Variants in MVK observed in about 807,000 individuals in gnomAD.
MVK encodes LH receptor mRNA-binding protein.
In MVK, 34 loss-of-function variants were observed where a neutral mutation model predicts 43.2. The observed-to-expected ratio is 0.79, with a 90% CI of 0.60 to 1.05. MVK has a LOEUF of 1.05. MVK is among the 50% of genes least tolerant of loss of function. The pLI is 0.00. For synonymous variants in MVK, 190 were observed against 219.8 expected (o/e 0.86, Z 1.20); for missense variants, 395 against 504.0 (o/e 0.78, Z 2.07).
intron 3 of MVK, 85 bp downstream of exon 3, chr12:109,576,230 G>T (rs1029485217): frequency 6.4e-7 from 1 of 1,552,768 alleles, no homozygotes; most frequent in Non-Finnish European, 8.8e-7. Context: ...CCCCAAGGGA[G>T]CCAGGGGCCA....
upstream of MVK, chr12:109,573,639 T>C: frequency 1.1e-6 from 1 of 873,650 alleles, no homozygotes; most frequent in East Asian, 2.7e-5. Context: ...TGTTTCCCAT[T>C]GGTTTAACGG....
At position 109,579,864 on chromosome 12, in the gene MVK, T is replaced by C. The variant is rs1269968212; in HGVS notation, c.289T>C (p.Leu97=). The C allele has an allele frequency of 3.7e-6, 6 of 1,614,122 alleles. No individual in the cohort carries two copies. The highest frequency in any genetic ancestry group is 5.1e-6 in the Non-Finnish European group (6 of 1,180,058). Reference sequence around the variant, plus strand: ...GGAGAAGCTAAAGGAGGTTGCAGGCTTGCCTGACGACTGTGCTGTCACCGA... The same window carrying C: ...GGAGAAGCTAAAGGAGGTTGCAGGCCTGCCTGACGACTGTGCTGTCACCGA... ...QVEKLKEVAG[L]PDDCAVTERL... The change falls in exon 4 of 11, where the codon TTG becomes CTG. Residue 97 remains leucine (L), a synonymous_variant. Coordinates refer to ENST00000228510, the MANE Select transcript of MVK (RefSeq NM_000431.4).
intron 2 of MVK, among the ~76,000 whole-genome samples, chr12:109,575,461 C>T (rs865835385): frequency 2.0e-5 from 3 of 151,852 alleles, no homozygotes; most frequent in African/African-American, 4.8e-5. Flanking sequence ...GCTCTGTCAC[C>T]GGAGTGCAAT....
In MVK at chr12:109,577,698, G is replaced by GT. The variant is rs966891442; in HGVS notation, c.226+1561dup. 2.2e-4 allele frequency among the ~76,000 whole-genome samples: 34 copies of GT among 152,068 alleles called. 1 individual carries two copies. The highest frequency in any genetic ancestry group is 1.0e-3 in the South Asian group (5 of 4,808). On this transcript the variant is annotated intron_variant, in intron 3 of 10. Coordinates refer to ENST00000228510, the MANE Select transcript of MVK (RefSeq NM_000431.4). ...GGAGTTTTTTGTGATGGTGGTGGTG[G>GT]TTTTTTTTAACCAATACAGATGGAT...
At position 109,579,024 on chromosome 12, in the gene MVK, C is replaced by T. The variant is rs138739990; in HGVS notation, c.227-778C>T. On this transcript the variant is annotated intron_variant, in intron 3 of 10. Coordinates refer to ENST00000228510, the MANE Select transcript of MVK (RefSeq NM_000431.4). ...AAATATTTTGGGGGTTAACTTAACA[C>T]TCTTTTGATTTTGGTTTTATACAAT... 4.3e-4 allele frequency: 122 copies of T among 284,786 alleles called. 1 individual carries two copies. In the East Asian group the frequency reaches 9.6e-3, roughly 22 times the overall value. The allele number at this position is 284,786 out of a possible 1,614,324, so 17.6% of individuals were successfully genotyped here. A position where few individuals can be genotyped will look rare whatever the true frequency, so the allele number is the denominator to read the frequency against.
Position 109,597,085 on chromosome 12 carries a change from C to G in MVK, c.*508C>G, listed in dbSNP as rs1885954676. ...GAGCACCTGCTGTCTGGGTGGCTCA[C>G]TCAGCACTTGGTGTGGCCTTCCCTT... On this transcript the variant is annotated 3_prime_UTR_variant, in exon 11 of 11. Transcript: ENST00000228510. The G allele has an allele frequency of 4.5e-6, 1 of 224,714 alleles. No homozygotes were observed. Among genetic ancestry groups the G allele is most frequent in the South Asian group, 6.2e-5 (1 of 16,188 alleles). 13.9% of individuals were successfully genotyped at this position (224,714 alleles called of 1,614,324 possible). A position where few individuals can be genotyped will look rare whatever the true frequency, so the allele number is the denominator to read the frequency against.
In MVK at chr12:109,573,894, G is replaced by A. The variant is rs185187100; in HGVS notation, c.-15+21G>A. 9.5e-4 allele frequency: 181 copies of A among 190,698 alleles called. 2 individuals are homozygous for A. The East Asian group carries it at 0.03, about 31-fold the overall frequency. 11.8% of individuals were successfully genotyped at this position (190,698 alleles called of 1,614,324 possible). A position where few individuals can be genotyped will look rare whatever the true frequency, so the allele number is the denominator to read the frequency against. ...GGCAGGTGAGAGGCCGGGGTCGGGC[G>A]GCCGGGCGGCGCGAGGTCCTAGACC... On this transcript the variant is annotated intron_variant, in intron 1 of 10. Coordinates refer to ENST00000228510, the MANE Select transcript of MVK (RefSeq NM_000431.4).
chr12:109,584,316 GAA>G (rs1231677508), intron 5 of MVK, among the ~76,000 whole-genome samples: 1 of 152,188 alleles, frequency 6.6e-6, no homozygotes, highest in African/African-American at 2.4e-5. Context: ...GGCAGATGAA[GAA>G]AGAGACTCAG....
At position 109,590,680 on chromosome 12, in the gene MVK, C is replaced by G. The variant is rs1885626425; in HGVS notation, c.678-91C>G. The G allele has an allele frequency of 2.6e-6, 3 of 1,142,648 alleles. No homozygotes were observed. In the East Asian group the frequency reaches 7.0e-5, roughly 27 times the overall value. 70.8% of individuals were successfully genotyped at this position (1,142,648 alleles called of 1,614,324 possible). ...TTGTGCCTCCCTTCTTCCTCCGTAT[C>G]AGGGTGGGCGGCTTCCCGGACTGCT... is the stretch of plus-strand genomic sequence containing the variant. On this transcript the variant is annotated intron_variant, in intron 7 of 10. Transcript: ENST00000228510.
At chr12:109,581,586 G>C in intron 5 of MVK, 36 bp downstream of exon 5, 1 of 1,613,954 alleles carries the variant, frequency 6.2e-7, no homozygotes, top group East Asian at 2.2e-5. Context: ...TGTCCCTCCC[G>C]CACGGCAGGA....
intron 9 of MVK, among the ~76,000 whole-genome samples, chr12:109,594,386 G>A (rs1357029268): frequency 5.3e-5 from 8 of 152,214 alleles, no homozygotes; most frequent in Non-Finnish European, 8.8e-5. Context: ...TGGCCTTGCT[G>A]GAGTTACACC....
chr12:109,580,841 C>T (rs1376826611), intron 4 of MVK, among the ~76,000 whole-genome samples: 3 of 151,946 alleles, frequency 2.0e-5, no homozygotes, highest in African/African-American at 4.8e-5. Context: ...CACCGTCTGG[C>T]GGGAGAGGCC....
At chr12:109,585,425 T>C (rs1885394717) in intron 5 of MVK, among the ~76,000 whole-genome samples, 1 of 152,142 alleles carries the variant, frequency 6.6e-6, no homozygotes, top group Admixed American at 6.5e-5. Context: ...GGGGTTCCAA[T>C]TCTCCAGGGA....
chr12:109,578,644 C>A (rs117322237), intron 3 of MVK, among the ~76,000 whole-genome samples: 1 of 152,168 alleles, frequency 6.6e-6, no homozygotes, highest in African/African-American at 2.4e-5. Context: ...TGTTCCATCT[C>A]GATTACAAAG....
In MVK at chr12:109,595,323, G is replaced by A. The variant is rs1310431603; in HGVS notation, c.1039+142G>A. 2.9e-6 allele frequency: 3 copies of A among 1,030,308 alleles called. No individual in the cohort carries two copies. The East Asian group carries it at 7.7e-5, about 27-fold the overall frequency. The allele number at this position is 1,030,308 out of a possible 1,614,324, so 63.8% of individuals were successfully genotyped here. A position where few individuals can be genotyped will look rare whatever the true frequency, so the allele number is the denominator to read the frequency against. ...GCCTTGGGCAAGTTAGTTAACCTCT[G>A]GTCTTTGCTTCCTCATTGGTAAAAT... On this transcript the variant is annotated intron_variant, in intron 10 of 10. Coordinates refer to ENST00000228510, the MANE Select transcript of MVK (RefSeq NM_000431.4). This position sits in a 1 kb window ranked among gnomAD's most constrained non-coding sequence, Gnocchi z 5.9.
At chr12:109,582,639 A>G (rs560920592) in intron 5 of MVK, among the ~76,000 whole-genome samples, 1 of 103,582 alleles carries the variant, frequency 9.7e-6, no homozygotes, top group East Asian at 3.2e-4. Context: ...CCCACCCATC[A>G]TGTGTTTCTG....
rs540895381 is a variant in MVK at position 109,581,690 on chromosome 12, G to A, written c.527+140G>A. ...TTTTAACATGAGGAAGCTGAGCCCC[G>A]AGAGGTCAAATGGCTGGCCCAGGGC... is the stretch of plus-strand genomic sequence containing the variant. On this transcript the variant is annotated intron_variant, in intron 5 of 10. Transcript: ENST00000228510. 6,808 of 1,278,270 alleles carry A rather than the reference G, an allele frequency of 5.3e-3. 34 individuals are homozygous for A. The highest frequency in any genetic ancestry group is 6.7e-3 in the Non-Finnish European group (6,060 of 902,438). The allele number at this position is 1,278,270 out of a possible 1,614,324, so 79.2% of individuals were successfully genotyped here. A position where few individuals can be genotyped will look rare whatever the true frequency, so the allele number is the denominator to read the frequency against.
At chr12:109,573,536 G>C, upstream of MVK, 1 of 1,556,838 alleles carries the variant, frequency 6.4e-7, no homozygotes, top group Non-Finnish European at 8.6e-7. Flanking sequence ...AGTCCGCGGG[G>C]TGACTCCACC....
chr12:109,583,326 C>T (rs1885305729), intron 5 of MVK, among the ~76,000 whole-genome samples: 2 of 151,976 alleles, frequency 1.3e-5, no homozygotes, highest in African/African-American at 2.4e-5. Flanking sequence ...TCAATTCCCA[C>T]CTATGAGTGA....
Sources: allele counts gnomAD v4.1 joint callset (sites outside exome capture counted in the v4.1 genomes callset), GRCh38; gene constraint gnomAD v4.1.1; non-coding constraint Gnocchi (gnomAD v3.1); transcripts MANE v1.5; gene names NCBI Gene and HGNC (gene_info 2026-07-23, HGNC 2026-07-21).